The following TAF15 variants were observed in gnomAD, a reference collection of about 807,000 sequenced individuals.
TAF15 encodes TATA-binding protein-associated factor 2N.
In TAF15, 37 loss-of-function variants were observed where a neutral mutation model predicts 102.5. The ratio of observed to expected loss-of-function variants is 0.36; its 90% CI spans 0.28 to 0.47. The LOEUF (loss-of-function observed/expected upper bound fraction) is 0.47, where lower values mean the gene tolerates loss of function less well. Ranked by LOEUF, TAF15 falls within the 20% of genes least tolerant of loss-of-function variation. The pLI, the probability that TAF15 is intolerant of heterozygous loss-of-function variation, is 0.99. For synonymous variants in TAF15, 273 were observed against 259.2 expected, an observed-to-expected ratio of 1.05 and a Z score of -0.51; for missense variants, 652 against 760.7, an observed-to-expected ratio of 0.86 and a Z score of 1.68.
chr17:35,834,673 T>G, intron 9 of TAF15, 75 bp downstream of exon 9: 2 of 1,401,008 alleles, frequency 1.4e-6, no homozygotes, highest in South Asian at 2.3e-5. Flanking sequence ...AAGTGTGTGT[T>G]TGGAGGGGCT....
intron 2 of TAF15, chr17:35,818,603 T>A (rs1436316883): frequency 6.6e-6 from 1 of 152,014 alleles, no homozygotes; most frequent in Non-Finnish European, 1.5e-5. Context: ...AGGCCAGGAG[T>A]TAGAAACCAG....
At chr17:35,812,920 A>G (rs545450137) in intron 1 of TAF15, among the ~76,000 whole-genome samples, 6 of 151,746 alleles carry the variant, frequency 4.0e-5, no homozygotes, top group African/African-American at 1.4e-4. Context: ...CTGAGGTCAG[A>G]AGTTCGAGAC....
chr17:35,816,549 AT>A (rs2087197037), intron 1 of TAF15, among the ~76,000 whole-genome samples: 1 of 152,162 alleles, frequency 6.6e-6, no homozygotes, highest in Non-Finnish European at 1.5e-5. Flanking sequence ...GACAACAGTG[AT>A]TTTTGTTTCA....
chr17:35,822,324 A>G (rs1332376007), intron 5 of TAF15, among the ~76,000 whole-genome samples: 1 of 151,230 alleles, frequency 6.6e-6, no homozygotes, highest in African/African-American at 2.4e-5. Context: ...AGCCTGGGCA[A>G]CAAGAGTGAA....
chr17:35,839,717 GT>G (rs1318147240), intron 11 of TAF15, among the ~76,000 whole-genome samples: 3 of 152,058 alleles, frequency 2.0e-5, no homozygotes, highest in Admixed American at 6.5e-5. Flanking sequence ...GAAGAAATGA[GT>G]AAAACATCTC....
intron 7 of TAF15, among the ~76,000 whole-genome samples, chr17:35,829,367 T>C (rs1055644335): frequency 6.6e-6 from 1 of 151,092 alleles, no homozygotes; most frequent in Non-Finnish European, 1.5e-5. Flanking sequence ...GGCGTGGTAG[T>C]CATGCCTGTG....
chr17:35,832,100 CCT>C (rs915832608), intron 7 of TAF15, among the ~76,000 whole-genome samples: 5 of 151,968 alleles, frequency 3.3e-5, no homozygotes, highest in African/African-American at 1.2e-4. Context: ...CAAAAAAAAA[CCT>C]CTGAGATACC....
At chr17:35,845,815 T>C (rs1377328795) in intron 15 of TAF15, among the ~76,000 whole-genome samples, 1 of 151,632 alleles carries the variant, frequency 6.6e-6, no homozygotes, top group Non-Finnish European at 1.5e-5. Flanking sequence ...TTCATAAATC[T>C]TTATTTGTTT....
At chr17:35,832,892 C>G (rs899699997) in intron 7 of TAF15, among the ~76,000 whole-genome samples, 1 of 152,140 alleles carries the variant, frequency 6.6e-6, no homozygotes, top group East Asian at 1.9e-4. Context: ...CGCAGTGGCT[C>G]GTGCCTGTAA....
At chr17:35,846,831 C>T in intron 15 of TAF15, 75 bp from the exon 16 acceptor site, 1 of 1,502,250 alleles carries the variant, frequency 6.7e-7, no homozygotes, top group Non-Finnish European at 9.3e-7. Context: ...ATCACTAGTA[C>T]CCTGAAGAAG....
chr17:35,819,051 T>C (rs772376882), intron 2 of TAF15, among the ~76,000 whole-genome samples: 21 of 152,274 alleles, frequency 1.4e-4, no homozygotes, highest in Non-Finnish European at 1.3e-4. Context: ...CTTCAACTTA[T>C]AGGATAAATG....
In TAF15 at chr17:35,844,262, A is replaced by G. The variant is rs1053608997; in HGVS notation, c.1089-18A>G. On this transcript the variant is annotated intron_variant, in intron 13 of 15. Coordinates refer to ENST00000605844, the MANE Select transcript of TAF15 (RefSeq NM_139215.3). Reference sequence around the variant, plus strand: ...ATTAGAAACTATATAGGAGCATTATATTTTCCTCCTTTCTTAGGTCATGCG... The same window carrying G: ...ATTAGAAACTATATAGGAGCATTATGTTTTCCTCCTTTCTTAGGTCATGCG... The G allele has an allele frequency of 1.2e-6, 2 of 1,613,668 alleles. No homozygotes were observed. Among genetic ancestry groups the G allele is most frequent in the Non-Finnish European group, 1.7e-6 (2 of 1,179,610 alleles).
chr17:35,817,585 T>C, intron 1 of TAF15, 131 bp from the exon 2 acceptor site: 1 of 772,912 alleles, frequency 1.3e-6, no homozygotes. Context: ...TCATAGTATT[T>C]AACTTGAGTT....
At chr17:35,838,594 A>C (rs1219552923) in intron 11 of TAF15, 41 bp downstream of exon 11, 1 of 1,609,780 alleles carries the variant, frequency 6.2e-7, no homozygotes, top group Non-Finnish European at 8.5e-7. Flanking sequence ...AAGTTGGATA[A>C]ATGTTTTCTA....
At chr17:35,809,823 A>T in intron 1 of TAF15, 1 of 600,590 alleles carries the variant, frequency 1.7e-6, no homozygotes, top group Middle Eastern at 4.4e-4. Flanking sequence ...TTGGAACCCG[A>T]GGAGACTTGC....
chr17:35,845,020 G>A lies in TAF15; in HGVS notation c.1721G>A (p.Gly574Glu). ...TACGGAGGAGACCGAGGTGGCTATG[G>A]AGGCAAAATGGGAGGAAGGTGAGTA... ...GGYGGDRGGY[G>E]GKMGGRNDYR... Residue 574 changes from glycine to glutamate, a missense_variant, in exon 15 of 16, where the codon GGA becomes GAA. This residue lies in a region of TAF15 where 368 missense variants were observed against 367.5 expected (regional missense o/e 1.00). Transcript: ENST00000605844. The A allele has an allele frequency of 6.2e-7, 1 of 1,613,868 alleles. No individual in the cohort carries two copies. Among genetic ancestry groups the A allele is most frequent in the South Asian group, 1.1e-5 (1 of 91,076 alleles).
At chr17:35,834,953 C>G (rs2087456790) in intron 9 of TAF15, among the ~76,000 whole-genome samples, 1 of 151,754 alleles carries the variant, frequency 6.6e-6, no homozygotes, top group Non-Finnish European at 1.5e-5. Context: ...ACCATGCTGG[C>G]CAGGCTGGTC....
At position 35,820,313 on chromosome 17, in the gene TAF15, A is replaced by C; in HGVS notation, c.185-19A>C. ...AAAATCAGAGCCTTCACTAAATGATATACTCATCTAATCTTTAGGTTATTC... is the reference window on the plus strand; with the variant it reads ...AAAATCAGAGCCTTCACTAAATGATCTACTCATCTAATCTTTAGGTTATTC... On this transcript the variant is annotated intron_variant, in intron 4 of 15. Transcript: ENST00000605844. The C allele has an allele frequency of 6.2e-7, 1 of 1,613,426 alleles. No homozygotes were observed. Among genetic ancestry groups the C allele is most frequent in the East Asian group, 2.2e-5 (1 of 44,876 alleles).
At chr17:35,812,072 G>A (rs915868280) in intron 1 of TAF15, among the ~76,000 whole-genome samples, 1 of 151,928 alleles carries the variant, frequency 6.6e-6, no homozygotes, top group East Asian at 1.9e-4. Context: ...TAAAACGTAC[G>A]GACCATTAAC....
Sources: allele counts gnomAD v4.1 joint callset (sites outside exome capture counted in the v4.1 genomes callset), GRCh38; gene constraint gnomAD v4.1.1; regional missense constraint gnomAD v4.1.1; transcripts MANE v1.5; gene names NCBI Gene and HGNC (gene_info 2026-07-23, HGNC 2026-07-21).